Variants in WDR25 observed in about 807,000 individuals in gnomAD.
WDR25 encodes the protein WD repeat-containing protein 25.
Under a neutral mutation model 47.7 loss-of-function variants are expected in WDR25, and 35 were observed. The observed-to-expected ratio is 0.73, with a 90% confidence interval of 0.56 to 0.97. The LOEUF is 0.97. Ranked by LOEUF, WDR25 falls within the 50% of genes least tolerant of loss-of-function variation. The pLI is 0.00. For synonymous variants in WDR25, 248 were observed against 278.9 expected, an observed-to-expected ratio of 0.89 and a Z score of 1.10; for missense variants, 634 against 704.7, an observed-to-expected ratio of 0.90 and a Z score of 1.14.
At chr14:100,517,367 T>G (rs1462157662) in intron 4 of WDR25, among the ~76,000 whole-genome samples, 2 of 152,104 alleles carry the variant, frequency 1.3e-5, no homozygotes, top group African/African-American at 2.4e-5. Context: ...CCACTTGCTC[T>G]TTTCCTGCCT....
At chr14:100,515,359 G>T (rs918933513) in intron 4 of WDR25, among the ~76,000 whole-genome samples, 1 of 151,372 alleles carries the variant, frequency 6.6e-6, no homozygotes, top group African/African-American at 2.4e-5. Context: ...TCATCTCCCT[G>T]TCTCACTTAC....
intron 2 of WDR25, among the ~76,000 whole-genome samples, chr14:100,452,338 C>A (rs1899063101): frequency 1.3e-5 from 2 of 152,128 alleles, no homozygotes; most frequent in Non-Finnish European, 2.9e-5. Flanking sequence ...AGTGTCCTTA[C>A]CCCCATGGAA....
At chr14:100,434,848 G>A (rs975961514) in intron 2 of WDR25, among the ~76,000 whole-genome samples, 2 of 151,966 alleles carry the variant, frequency 1.3e-5, no homozygotes, top group African/African-American at 4.8e-5. Flanking sequence ...TTCTTATTCC[G>A]CTCTTTTTCT....
intron 2 of WDR25, among the ~76,000 whole-genome samples, chr14:100,461,217 G>GAAAGAAAAGA (rs562602491): frequency 6.6e-6 from 1 of 151,858 alleles, no homozygotes; most frequent in Non-Finnish European, 1.5e-5. Flanking sequence ...CCCTGACTTG[G>GAAAGAAAAGA]AAAGAAAAGA....
At chr14:100,464,258 C>T (rs776598037) in intron 2 of WDR25, among the ~76,000 whole-genome samples, 12 of 152,238 alleles carry the variant, frequency 7.9e-5, no homozygotes, top group Non-Finnish European at 1.5e-4. Flanking sequence ...CTGGCTTTCT[C>T]ACCCCTTCAG....
chr14:100,431,397 G>A (rs2140231646), intron 2 of WDR25, among the ~76,000 whole-genome samples: 1 of 152,276 alleles, frequency 6.6e-6, no homozygotes, highest in South Asian at 2.1e-4. Context: ...GATAAAAGCA[G>A]TTAAAGGATT....
rs181353456 is a variant in WDR25, at chr14:100,482,771, C to T, written c.971-1223C>T. Among the ~76,000 whole-genome samples the T allele has an allele frequency of 3.9e-5, 6 of 152,316 alleles. No individual in the cohort carries two copies. In the East Asian group the frequency reaches 7.7e-4, roughly 20 times the overall value. On this transcript the variant is annotated intron_variant, in intron 3 of 6. Coordinates refer to ENST00000402312, the MANE Select transcript of WDR25 (RefSeq NM_001161476.3). ...GAGCAAGTGCTGCTTCCTGGGTTCC[C>T]GTGAGTGGAAATGATGCTTGAGACC... is the stretch of plus-strand genomic sequence containing the variant.
chr14:100,460,609 C>T (rs957760600), intron 2 of WDR25, among the ~76,000 whole-genome samples: 2 of 151,846 alleles, frequency 1.3e-5, no homozygotes, highest in African/African-American at 2.4e-5. Flanking sequence ...TCAATAGATG[C>T]TGAAAGAGCT....
In WDR25 at chr14:100,529,323, C is replaced by T; in HGVS notation, c.1413+115C>T. The T allele has an allele frequency of 6.7e-7, 1 of 1,490,298 alleles. No individual in the cohort carries two copies. Among genetic ancestry groups the T allele is most frequent in the East Asian group, 2.4e-5 (1 of 41,600 alleles). The allele number at this position is 1,490,298 out of a possible 1,614,324, so 92.3% of individuals were successfully genotyped here. ...CCTCTGTCTGGGTGGATCCTGCTTTCTGTTTCCTGGGTGAGCGCATGCCAT... is the reference window on the plus strand; with the variant it reads ...CCTCTGTCTGGGTGGATCCTGCTTTTTGTTTCCTGGGTGAGCGCATGCCAT... On this transcript the variant is annotated intron_variant, in intron 6 of 6. Coordinates refer to ENST00000402312, the MANE Select transcript of WDR25 (RefSeq NM_001161476.3). This position sits in a 1 kb window ranked among gnomAD's most constrained non-coding sequence, Gnocchi z 5.1.
chr14:100,415,179 C>T (rs1897835401), intron 2 of WDR25, among the ~76,000 whole-genome samples: 1 of 152,114 alleles, frequency 6.6e-6, no homozygotes, highest in African/African-American at 2.4e-5. Context: ...TGAGATGGTG[C>T]TACTCATGGA....
At chr14:100,491,359 T>C (rs1900558727) in intron 4 of WDR25, among the ~76,000 whole-genome samples, 1 of 152,234 alleles carries the variant, frequency 6.6e-6, no homozygotes, top group African/African-American at 2.4e-5. Context: ...TGAATTCAGC[T>C]TTAGTCTTGA....
intron 2 of WDR25, among the ~76,000 whole-genome samples, chr14:100,453,058 G>A (rs1304246421): frequency 6.6e-6 from 1 of 152,080 alleles, no homozygotes; most frequent in Non-Finnish European, 1.5e-5. Context: ...CAGAGCTGAC[G>A]AGTGAGGGGG....
chr14:100,387,506 C>T (rs538154539), intron 2 of WDR25, among the ~76,000 whole-genome samples: 40 of 152,304 alleles, frequency 2.6e-4, no homozygotes, highest in African/African-American at 8.7e-4. Flanking sequence ...ACATTTAAAG[C>T]ATGGATGAGA....
rs529670593 is a variant in WDR25 at position 100,381,631 on chromosome 14, G to C, written c.707G>C (p.Arg236Pro). The C allele has an allele frequency of 6.2e-7, 1 of 1,614,144 alleles. No individual in the cohort carries two copies. Among genetic ancestry groups the C allele is most frequent in the Non-Finnish European group, 8.5e-7 (1 of 1,180,014 alleles). Reference protein sequence around the residue: ...NSHYKETTVPRKVLFHLRGHR... With the variant: ...NSHYKETTVPPKVLFHLRGHR... ...CATTATAAAGAAACCACAGTTCCCCGGAAAGTGCTTTTCCACCTGAGAGGC... is the reference window on the plus strand; with the variant it reads ...CATTATAAAGAAACCACAGTTCCCCCGAAAGTGCTTTTCCACCTGAGAGGC... Residue 236 changes from arginine to proline, a missense_variant, in exon 2 of 7, where the codon CGG (arginine) becomes CCG (proline). By Grantham distance (103) the Arg-to-Pro change is moderately radical. Transcript: ENST00000402312.
chr14:100,494,173 C>T (rs924846089), intron 4 of WDR25, among the ~76,000 whole-genome samples: 13 of 152,240 alleles, frequency 8.5e-5, no homozygotes, highest in African/African-American at 3.1e-4. Context: ...ATCCTCCCAC[C>T]TTGGCCTCCT....
At chr14:100,386,629 C>T (rs955434267) in intron 2 of WDR25, among the ~76,000 whole-genome samples, 3 of 151,982 alleles carry the variant, frequency 2.0e-5, no homozygotes, top group South Asian at 2.1e-4. Flanking sequence ...CGCGGTGGCT[C>T]ATGCCTGTAA....
chr14:100,383,286 G>A (rs1896946733), intron 2 of WDR25, among the ~76,000 whole-genome samples: 1 of 152,230 alleles, frequency 6.6e-6, no homozygotes, highest in African/African-American at 2.4e-5. Context: ...CGGGGGCTGT[G>A]AAGTGTGCGC....
intron 3 of WDR25, among the ~76,000 whole-genome samples, chr14:100,482,732 T>C (rs929102886): frequency 6.6e-6 from 1 of 152,222 alleles, no homozygotes; most frequent in Admixed American, 6.5e-5. Flanking sequence ...CCTTTTGTGC[T>C]TTCTGAATTG....
In WDR25 at chr14:100,404,570, T is replaced by C. The variant is rs1423198803; in HGVS notation, c.822+22824T>C. Among the ~76,000 whole-genome samples the C allele has an allele frequency of 6.6e-6, 1 of 152,198 alleles. No individual in the cohort carries two copies. The highest frequency in any genetic ancestry group is 2.4e-5 in the African/African-American group (1 of 41,464). ...GTGGGCCAGGAGGGTCAGCAGGCCC[T>C]TGGGGGAAGTGCAAATGCATCCTTA... On this transcript the variant is annotated intron_variant, in intron 2 of 6. Transcript: ENST00000402312. The surrounding 1 kb of genome is among the most constrained non-coding windows in gnomAD (Gnocchi z 4.6).
Sources: allele counts gnomAD v4.1 joint callset (sites outside exome capture counted in the v4.1 genomes callset), GRCh38; gene constraint gnomAD v4.1.1; non-coding constraint Gnocchi (gnomAD v3.1); transcripts MANE v1.5; gene names NCBI Gene and HGNC (gene_info 2026-07-23, HGNC 2026-07-21).